WWOX: variants seen among roughly 807,000 people sequenced by gnomAD.
The protein encoded by WWOX is WW domain-containing oxidoreductase.
WWOX carries 69 observed loss-of-function variants against 46.2 expected under a neutral mutation model. The observed-to-expected ratio is 1.49, with a 90% CI of 1.23 to 1.82. The LOEUF is 1.82. WWOX is among the 40% of genes most tolerant of loss of function. The probability of loss-of-function intolerance (pLI) is 0.00; values close to 1 mark genes in which losing one functional copy is unlikely to be tolerated. For missense variants in WWOX, 919 were observed against 542.6 expected, an observed-to-expected ratio of 1.69 and a Z score of -6.89; for synonymous variants, 359 against 202.6, an observed-to-expected ratio of 1.77 and a Z score of -6.56.
intron 8 of WWOX, chr16:79,202,658 A>AGAG (rs1489707392): frequency 6.6e-6 from 1 of 152,210 alleles, no homozygotes; most frequent in Non-Finnish European, 1.5e-5. Context: ...TCAGCTTTAA[A>AGAG]GAGTTTGAGA....
intron 8 of WWOX, among the ~76,000 whole-genome samples, chr16:79,139,529 G>A (rs1160205622): frequency 2.6e-5 from 4 of 152,300 alleles, no homozygotes; most frequent in South Asian, 2.1e-4. Context: ...GTCCAAACAC[G>A]ATGTCTTTAG....
intron 8 of WWOX, chr16:79,017,488 A>G (rs1332332707): frequency 6.9e-6 from 1 of 144,828 alleles, no homozygotes; most frequent in African/African-American, 2.5e-5. Flanking sequence ...CAGGTAGGCT[A>G]GAGCACGGAT....
intron 8 of WWOX, among the ~76,000 whole-genome samples, chr16:78,439,761 C>T (rs963245682): frequency 6.6e-6 from 1 of 152,222 alleles, no homozygotes; most frequent in African/African-American, 2.4e-5. Flanking sequence ...TCCAGAGTTG[C>T]TGAGGCAGCA....
chr16:79,026,165 C>T (rs144630624), intron 8 of WWOX, among the ~76,000 whole-genome samples: 1 of 151,606 alleles, frequency 6.6e-6, no homozygotes, highest in African/African-American at 2.4e-5. Flanking sequence ...TTTAAGTTTC[C>T]TCACTCCTTT....
chr16:78,308,753 C>G (rs1218807586), intron 5 of WWOX, among the ~76,000 whole-genome samples: 3 of 152,166 alleles, frequency 2.0e-5, no homozygotes, highest in Non-Finnish European at 4.4e-5. Flanking sequence ...GAGGCTTCAT[C>G]TGCATCATAA....
At chr16:78,145,635 C>T (rs142748322) in intron 4 of WWOX, among the ~76,000 whole-genome samples, 121 of 152,260 alleles carry the variant, frequency 7.9e-4, no homozygotes, top group Middle Eastern at 3.4e-3. Flanking sequence ...TGGAAACACC[C>T]GCACAGACAC....
chr16:78,685,696 C>G (rs2047838611), intron 8 of WWOX, among the ~76,000 whole-genome samples: 1 of 152,210 alleles, frequency 6.6e-6, no homozygotes, highest in African/African-American at 2.4e-5. Context: ...GCACAGAACT[C>G]CTGTCCTCCC....
intron 8 of WWOX, among the ~76,000 whole-genome samples, chr16:79,060,089 T>A (rs2048331869): frequency 6.6e-6 from 1 of 152,204 alleles, no homozygotes; most frequent in South Asian, 2.1e-4. Context: ...ACAAACCAGG[T>A]GTATAGTTAA....
At chr16:79,058,116 AAAAACAAACAAAC>A (rs1239925384) in intron 8 of WWOX, among the ~76,000 whole-genome samples, 7 of 84,318 alleles carry the variant, frequency 8.3e-5, no homozygotes, top group African/African-American at 3.9e-4. Flanking sequence ...TAAAAAAAAA[AAAAACAAACAAAC>A]AAAAAAAAAA....
intron 8 of WWOX, among the ~76,000 whole-genome samples, chr16:79,015,088 G>A (rs1230059750): frequency 2.0e-5 from 3 of 152,164 alleles, no homozygotes; most frequent in Non-Finnish European, 4.4e-5. Flanking sequence ...TTCAAATTTG[G>A]ATGTGTCGGG....
chr16:78,143,261 G>A (rs2034048457), intron 4 of WWOX, among the ~76,000 whole-genome samples: 1 of 152,124 alleles, frequency 6.6e-6, no homozygotes, highest in African/African-American at 2.4e-5. Flanking sequence ...TTCTGTGGTT[G>A]TCATCCACAT....
chr16:78,164,459 A>G (rs1322332508), intron 5 of WWOX, among the ~76,000 whole-genome samples, 170 bp downstream of exon 5: 2 of 152,192 alleles, frequency 1.3e-5, no homozygotes, highest in Non-Finnish European at 2.9e-5. Flanking sequence ...GAGCAAGTCC[A>G]TTATTATTCA....
chr16:78,982,781 G>A (rs2046708718), intron 8 of WWOX, among the ~76,000 whole-genome samples: 1 of 152,132 alleles, frequency 6.6e-6, no homozygotes, highest in South Asian at 2.1e-4. Context: ...GTGATTACCA[G>A]AATATTCTCT....
At chr16:78,155,668 T>G (rs1340469415) in intron 4 of WWOX, among the ~76,000 whole-genome samples, 1 of 152,238 alleles carries the variant, frequency 6.6e-6, no homozygotes, top group African/African-American at 2.4e-5. Flanking sequence ...CTAGTTCAAT[T>G]TAAACATTGT....
At chr16:78,720,320 A>G (rs184239776) in intron 8 of WWOX, among the ~76,000 whole-genome samples, 1 of 152,050 alleles carries the variant, frequency 6.6e-6, no homozygotes, top group Admixed American at 6.5e-5. Flanking sequence ...TTTCTGAATT[A>G]TTTTTCTTTC....
At chr16:78,417,469 A>G (rs2151953943) in intron 6 of WWOX, among the ~76,000 whole-genome samples, 1 of 152,228 alleles carries the variant, frequency 6.6e-6, no homozygotes, top group African/African-American at 2.4e-5. Context: ...GTTCTTAAAT[A>G]CAAAAAGCTC....
intron 5 of WWOX, among the ~76,000 whole-genome samples, chr16:78,307,222 G>A (rs988316337): frequency 2.0e-5 from 3 of 152,198 alleles, no homozygotes; most frequent in Middle Eastern, 3.4e-3. Flanking sequence ...ACTGCTGCCC[G>A]TTCATTGCTA....
At chr16:78,555,513 C>T (rs564097615) in intron 8 of WWOX, among the ~76,000 whole-genome samples, 5 of 151,160 alleles carry the variant, frequency 3.3e-5, no homozygotes, top group Non-Finnish European at 5.9e-5. Flanking sequence ...ATCGATGTCT[C>T]GGGGCTTCTG....
chr16:78,137,399 A>G (rs1230289705), intron 4 of WWOX, among the ~76,000 whole-genome samples: 1 of 152,174 alleles, frequency 6.6e-6, no homozygotes, highest in African/African-American at 2.4e-5. Context: ...GTAAAATGGG[A>G]ACCATGACGT....
Sources: gnomAD v4.1 joint callset for allele counts (sites outside exome capture counted in the v4.1 genomes callset) on GRCh38, gnomAD v4.1.1 for gene constraint, MANE v1.5 for transcripts, NCBI Gene and HGNC (gene_info 2026-07-23, HGNC 2026-07-21) for gene names.